Variants in PIEZO2 observed in about 807,000 individuals in gnomAD.
The protein encoded by PIEZO2 is piezo type mechanosensitive ion channel component 2, also known as piezo-type mechanosensitive ion channel component 2.
Under a neutral mutation model 337.3 loss-of-function variants are expected in PIEZO2, and 172 were observed. That is an observed-to-expected ratio of 0.51 (90% CI 0.45 to 0.58). The LOEUF (loss-of-function observed/expected upper bound fraction) is 0.58. Among genes scored for constraint, PIEZO2 ranks in the 20% least tolerant of loss-of-function variants. The pLI is 0.00. For synonymous variants in PIEZO2, 1,251 were observed against 1,228.5 expected, an observed-to-expected ratio of 1.02 and a Z score of -0.38; for missense variants, 3,028 against 3,391.3, an observed-to-expected ratio of 0.89 and a Z score of 2.66.
intron 3 of PIEZO2, among the ~76,000 whole-genome samples, chr18:10,944,683 G>C (rs902947404): frequency 1.3e-5 from 2 of 151,632 alleles, no homozygotes; most frequent in Non-Finnish European, 2.9e-5. Flanking sequence ...CAACATTAGA[G>C]GCAAGAGTGA....
rs766603279 is a variant in PIEZO2, at chr18:10,861,685, C to G, written c.493-4474G>C. ...GACATGAAGAATGATTTTGGGGGAC[C>G]TATTGCACTGCATGGTGACTGTAGT... On this transcript the variant is annotated intron_variant, in intron 5 of 55. Transcript: ENST00000674853. The surrounding 1 kb of genome is among the most constrained non-coding windows in gnomAD (Gnocchi z 4.3). 3.3e-5 allele frequency among the ~76,000 whole-genome samples: 5 copies of G among 152,170 alleles called. No individual in the cohort carries two copies. The highest frequency in any genetic ancestry group is 7.3e-5 in the Non-Finnish European group (5 of 68,040).
At chr18:11,073,654 A>C (rs924161731) in intron 1 of PIEZO2, among the ~76,000 whole-genome samples, 2 of 152,198 alleles carry the variant, frequency 1.3e-5, no homozygotes, top group Non-Finnish European at 2.9e-5. Context: ...ATTTGAAATC[A>C]TCCCATTTGA....
At chr18:11,090,581 A>G (rs1045128413) in intron 1 of PIEZO2, among the ~76,000 whole-genome samples, 1 of 152,272 alleles carries the variant, frequency 6.6e-6, no homozygotes, top group Non-Finnish European at 1.5e-5. Flanking sequence ...CAAACTGCCC[A>G]GTAAGCTTAA....
rs750256917 is a variant in PIEZO2 at position 10,672,673 on chromosome 18, G to T, written c.8345+17C>A. 3.1e-6 allele frequency: 5 copies of T among 1,606,068 alleles called. No individual in the cohort carries two copies. The highest frequency in any genetic ancestry group is 2.7e-5 in the African/African-American group (2 of 74,328). ...AAGTAGACTCTTGTAACTGTGAATT[G>T]TTCAATGAGTCCTTACCCATAGCCA... On this transcript the variant is annotated intron_variant, in intron 55 of 55. Transcript: ENST00000674853. This position sits in a 1 kb window ranked among gnomAD's most constrained non-coding sequence, Gnocchi z 4.7.
intron 12 of PIEZO2, among the ~76,000 whole-genome samples, chr18:10,796,043 G>T (rs889547357): frequency 6.6e-6 from 1 of 151,924 alleles, no homozygotes; most frequent in Non-Finnish European, 1.5e-5. Flanking sequence ...AGGGAACCAC[G>T]GTTGCTTGAT....
At position 10,846,008 on chromosome 18, in the gene PIEZO2, G is replaced by A. The variant is rs549034185; in HGVS notation, c.917+9345C>T. Among the ~76,000 whole-genome samples the A allele has an allele frequency of 3.6e-4, 55 of 152,190 alleles. No individual in the cohort carries two copies. The highest frequency in any genetic ancestry group is 7.1e-4 in the Non-Finnish European group (48 of 68,038). The stretch of plus-strand genomic sequence containing the variant: ...GATGGATTGAGGCAGTGGGAGTGCC[G>A]TGGGTGTATGAAGATTGATGATGAC... On this transcript the variant is annotated intron_variant, in intron 7 of 55. Transcript: ENST00000674853. The surrounding 1 kb of genome is among the most constrained non-coding windows in gnomAD (Gnocchi z 4.1).
chr18:10,988,262 C>A lies in PIEZO2; in HGVS notation c.161-8602G>T, dbSNP rs115361621. 2.7e-3 allele frequency among the ~76,000 whole-genome samples: 404 copies of A among 152,240 alleles called. 4 individuals are homozygous for A. The highest frequency in any genetic ancestry group is 9.2e-3 in the African/African-American group (382 of 41,550). ...GGAAGCAGAAAGACCAGGGTCTCAC[C>A]AGACACCAAAGCTGAAGGCATGCTG... is the stretch of plus-strand genomic sequence containing the variant. On this transcript the variant is annotated intron_variant, in intron 2 of 55. Transcript: ENST00000674853. The surrounding 1 kb of genome is among the most constrained non-coding windows in gnomAD (Gnocchi z 4.8).
Position 11,111,295 on chromosome 18 carries a change from T to C in PIEZO2, c.64+37230A>G, listed in dbSNP as rs953623062. Among the ~76,000 whole-genome samples, 1 of 152,218 alleles carries C rather than the reference T, an allele frequency of 6.6e-6. No homozygotes were observed. The highest frequency in any genetic ancestry group is 1.5e-5 in the Non-Finnish European group (1 of 68,034). On this transcript the variant is annotated intron_variant, in intron 1 of 55. Transcript: ENST00000674853. This position sits in a 1 kb window ranked among gnomAD's most constrained non-coding sequence, Gnocchi z 6.2. Reference sequence around the variant, plus strand: ...CGTTTCCCATCCCTTTCAACAGTGGTATAGCCTGCAATCTCCTCTATTTAA... The same window carrying C: ...CGTTTCCCATCCCTTTCAACAGTGGCATAGCCTGCAATCTCCTCTATTTAA...
At chr18:10,995,179 A>G (rs954622029) in intron 2 of PIEZO2, among the ~76,000 whole-genome samples, 4 of 151,748 alleles carry the variant, frequency 2.6e-5, no homozygotes, top group Non-Finnish European at 5.9e-5. Context: ...TTTCAGGAGT[A>G]AGGTGGTATC....
At chr18:10,851,019 CCAGGAAGTGAGA>C (rs1414282749) in intron 7 of PIEZO2, among the ~76,000 whole-genome samples, 1 of 152,040 alleles carries the variant, frequency 6.6e-6, no homozygotes, top group Non-Finnish European at 1.5e-5. Flanking sequence ...CTTTATCTAT[CCAGGAAGTGAGA>C]CAGAAGGGCT....
chr18:10,738,315 G>T (rs1395571523), intron 33 of PIEZO2: 2 of 152,074 alleles, frequency 1.3e-5, no homozygotes, highest in East Asian at 1.9e-4. Flanking sequence ...CTCATTATAG[G>T]TTCCAAAATC....
chr18:10,917,820 A>G (rs1028532827), intron 3 of PIEZO2, among the ~76,000 whole-genome samples: 5 of 152,200 alleles, frequency 3.3e-5, no homozygotes, highest in African/African-American at 9.6e-5. Flanking sequence ...GGCCTGGCAC[A>G]GAAATTGGTG....
chr18:10,855,373 T>A lies in PIEZO2; in HGVS notation c.897A>T (p.Pro299=), dbSNP rs1218474099. ...CTTACCTTGCATAGTAGTCATTGGG[T>A]GGAACTGCCTCTTGAAAGAATTGGA... is the stretch of plus-strand genomic sequence containing the variant. The part of the protein sequence containing the change: ...YQFQFFQEAV[P]PNDYYARLFG... Residue 299 remains proline (P), a synonymous_variant, in exon 7 of 56, where the codon CCA becomes CCT. Coordinates refer to ENST00000674853, the MANE Select transcript of PIEZO2 (RefSeq NM_001378183.1). This position sits in a 1 kb window ranked among gnomAD's most constrained non-coding sequence, Gnocchi z 4.9. 2 of 1,536,012 alleles carry A rather than the reference T, an allele frequency of 1.3e-6. No individual in the cohort carries two copies. The highest frequency in any genetic ancestry group is 2.4e-5 in the East Asian group (1 of 40,924).
chr18:10,874,913 C>T (rs1343683490), intron 4 of PIEZO2, among the ~76,000 whole-genome samples: 3 of 151,944 alleles, frequency 2.0e-5, no homozygotes, highest in Non-Finnish European at 4.4e-5. Flanking sequence ...AGTAGGATGA[C>T]TATATTATTA....
At chr18:10,916,377 C>T (rs573591342) in intron 3 of PIEZO2, among the ~76,000 whole-genome samples, 33 of 152,276 alleles carry the variant, frequency 2.2e-4, no homozygotes, top group African/African-American at 7.7e-4. Flanking sequence ...GTGCTGCAGC[C>T]AACCGCGGTA....
Position 11,074,092 on chromosome 18 carries a change from C to T in PIEZO2, c.65-7870G>A, listed in dbSNP as rs188348028. ...TGAACTTCTGACCTCAAGATCCGCC[C>T]GCCTCAGCCTCCCAAAGTGCTAGGA... On this transcript the variant is annotated intron_variant, in intron 1 of 55. Coordinates refer to ENST00000674853, the MANE Select transcript of PIEZO2 (RefSeq NM_001378183.1). 2.1e-3 allele frequency among the ~76,000 whole-genome samples: 313 copies of T among 152,246 alleles called. 2 individuals carry two copies. Among genetic ancestry groups the T allele is most frequent in the African/African-American group, 7.0e-3 (292 of 41,542 alleles).
In PIEZO2 at chr18:10,859,552, G is replaced by A. The variant is rs964596677; in HGVS notation, c.493-2341C>T. 7.9e-5 allele frequency among the ~76,000 whole-genome samples: 12 copies of A among 152,358 alleles called. No individual in the cohort carries two copies. The highest frequency in any genetic ancestry group is 2.9e-4 in the African/African-American group (12 of 41,592). On this transcript the variant is annotated intron_variant, in intron 5 of 55. Coordinates refer to ENST00000674853, the MANE Select transcript of PIEZO2 (RefSeq NM_001378183.1). The surrounding 1 kb of genome is among the most constrained non-coding windows in gnomAD (Gnocchi z 4.9). Reference sequence around the variant, plus strand: ...CTGGCTCTCTCTCCTGCATCACAATGTGCTTTCTTTCTGCTGGATCACCCC... The same window carrying A: ...CTGGCTCTCTCTCCTGCATCACAATATGCTTTCTTTCTGCTGGATCACCCC...
At chr18:11,121,105 T>A (rs143805886) in intron 1 of PIEZO2, among the ~76,000 whole-genome samples, 3 of 150,558 alleles carry the variant, frequency 2.0e-5, no homozygotes, top group Non-Finnish European at 4.4e-5. Flanking sequence ...ATACAAAAAT[T>A]AGCTGGGTGT....
At chr18:10,985,183 A>G (rs950593816) in intron 2 of PIEZO2, among the ~76,000 whole-genome samples, 1 of 152,118 alleles carries the variant, frequency 6.6e-6, no homozygotes, top group Non-Finnish European at 1.5e-5. Flanking sequence ...TTTCAAAATC[A>G]GAATACCGTA....
Sources: allele counts gnomAD v4.1 joint callset (sites outside exome capture counted in the v4.1 genomes callset), GRCh38; gene constraint gnomAD v4.1.1; non-coding constraint Gnocchi (gnomAD v3.1); transcripts MANE v1.5; gene names NCBI Gene and HGNC (gene_info 2026-07-23, HGNC 2026-07-21).